NRG3: variants seen among roughly 807,000 people sequenced by gnomAD.
The protein encoded by NRG3 is neuregulin 3, also known as pro-neuregulin-3, membrane-bound isoform.
In NRG3, 31 loss-of-function variants were observed where a neutral mutation model predicts 66.9. The observed-to-expected ratio is 0.46, with a 90% CI of 0.35 to 0.63. The LOEUF (loss-of-function observed/expected upper bound fraction) is 0.63. Ranked by LOEUF, NRG3 falls within the 20% of genes least tolerant of loss-of-function variation. NRG3 has a pLI of 0.00. For missense variants in NRG3, 910 were observed against 878.9 expected (o/e 1.04, Z -0.45); for synonymous variants, 393 against 359.4 (o/e 1.09, Z -1.06).
intron 2 of NRG3, among the ~76,000 whole-genome samples, chr10:82,618,231 T>C (rs2048794435): frequency 6.6e-6 from 1 of 152,138 alleles, no homozygotes; most frequent in African/African-American, 2.4e-5. Flanking sequence ...GCCGGAGCTG[T>C]GGTGCCAGAC....
chr10:82,224,926 G>A (rs751363142), intron 1 of NRG3, among the ~76,000 whole-genome samples: 20 of 151,730 alleles, frequency 1.3e-4, no homozygotes, highest in Non-Finnish European at 1.9e-4. Flanking sequence ...AGAATAATAT[G>A]AACATAGCTC....
chr10:82,811,513 T>C (rs17746658), intron 3 of NRG3, among the ~76,000 whole-genome samples: 11,084 of 152,280 alleles, frequency 0.073, 404 homozygotes, highest in Middle Eastern at 0.11. Flanking sequence ...GCTACCTTCC[T>C]ATTAGATTCT....
At chr10:82,926,816 G>C (rs910972894) in intron 4 of NRG3, among the ~76,000 whole-genome samples, 3 of 152,248 alleles carry the variant, frequency 2.0e-5, no homozygotes, top group Non-Finnish European at 2.9e-5. Context: ...AATAAAAACA[G>C]TTCTTGTCTC....
intron 3 of NRG3, among the ~76,000 whole-genome samples, chr10:82,772,322 A>ATTCG (rs879691080): frequency 8.9e-4 from 136 of 152,136 alleles, no homozygotes; most frequent in Middle Eastern, 3.4e-3. Context: ...TCATTCATTC[A>ATTCG]TTCATTCATT....
chr10:81,880,080 T>C (rs148421664), intron 1 of NRG3, among the ~76,000 whole-genome samples: 1,921 of 152,304 alleles, frequency 0.013, 16 homozygotes, highest in Non-Finnish European at 0.02. Context: ...TCCTTTGGCC[T>C]TAATTCAGGA....
chr10:81,882,388 G>A (rs898948308), intron 1 of NRG3, among the ~76,000 whole-genome samples: 1 of 152,076 alleles, frequency 6.6e-6, no homozygotes, highest in Non-Finnish European at 1.5e-5. Context: ...TCTCATGGAA[G>A]GGTAACAAAT....
At chr10:82,854,384 G>C (rs2063707666) in intron 3 of NRG3, among the ~76,000 whole-genome samples, 1 of 152,156 alleles carries the variant, frequency 6.6e-6, no homozygotes, top group South Asian at 2.1e-4. Flanking sequence ...GTTGTGTACA[G>C]GGTTCTATTT....
chr10:82,645,288 T>C (rs1372562740), intron 2 of NRG3, among the ~76,000 whole-genome samples: 1 of 152,298 alleles, frequency 6.6e-6, no homozygotes, highest in African/African-American at 2.4e-5. Flanking sequence ...CAGCACTTTC[T>C]GTAAGGTGTG....
chr10:81,902,404 G>A (rs569153486), intron 1 of NRG3, among the ~76,000 whole-genome samples: 1 of 152,214 alleles, frequency 6.6e-6, no homozygotes, highest in South Asian at 2.1e-4. Context: ...TAGGAGGCAG[G>A]GGCCTTTGGG....
In NRG3 at chr10:82,210,087, G is replaced by A. The variant is rs72825484; in HGVS notation, c.824-148652G>A. Among the ~76,000 whole-genome samples, 527 of 152,296 alleles carry A rather than the reference G, an allele frequency of 3.5e-3. 3 individuals carry two copies. Among genetic ancestry groups the A allele is most frequent in the Non-Finnish European group, 5.9e-3 (399 of 68,018 alleles). ...CCTGAGAAAATTCATGAAATGAGAA[G>A]TAACAGGGAGAAAGTTGAAACATTG... is the stretch of plus-strand genomic sequence containing the variant. On this transcript the variant is annotated intron_variant, in intron 1 of 8. Transcript: ENST00000372141.
chr10:81,907,551 T>C (rs1265073364), intron 1 of NRG3, among the ~76,000 whole-genome samples: 1 of 152,182 alleles, frequency 6.6e-6, no homozygotes, highest in African/African-American at 2.4e-5. Flanking sequence ...AATTACATTA[T>C]GACACTGACT....
rs1219531549 is a variant in NRG3, at chr10:82,460,437, A to AT, written c.953+101570dup. ...GTGTCCCACATAGTAAGTAGTGAAT[A>AT]TAACTAGCTACTAAATTTATGATGA... On this transcript the variant is annotated intron_variant, in intron 2 of 8. Transcript: ENST00000372141. Among the ~76,000 whole-genome samples, 65 of 152,376 alleles carry AT rather than the reference A, an allele frequency of 4.3e-4. No homozygotes were observed. In the Middle Eastern group the frequency reaches 0.02, roughly 48 times the overall value.
At chr10:81,902,832 G>A (rs185902590) in intron 1 of NRG3, among the ~76,000 whole-genome samples, 3 of 152,240 alleles carry the variant, frequency 2.0e-5, no homozygotes, top group South Asian at 2.1e-4. Flanking sequence ...GCACTGGAGC[G>A]AATTTTATGA....
At chr10:81,884,484 T>A (rs1369805846) in intron 1 of NRG3, among the ~76,000 whole-genome samples, 1 of 152,196 alleles carries the variant, frequency 6.6e-6, no homozygotes, top group East Asian at 1.9e-4. Flanking sequence ...TACACATCCT[T>A]GGGTTCTGCA....
rs567723630 is a variant in NRG3 at position 82,707,883 on chromosome 10, G to C, written c.954-30694G>C. Among the ~76,000 whole-genome samples, 1,088 of 146,622 alleles carry C rather than the reference G, an allele frequency of 7.4e-3. 16 individuals are homozygous for C. The highest frequency in any genetic ancestry group is 0.025 in the African/African-American group (1,016 of 40,210). On this transcript the variant is annotated intron_variant, in intron 2 of 8. Transcript: ENST00000372141. ...AAAAAAAAAAAAAAATTAGCCAGGTGTGGTGGCGCATGCCTGTAATCCCAG... is the reference window on the plus strand; with the variant it reads ...AAAAAAAAAAAAAAATTAGCCAGGTCTGGTGGCGCATGCCTGTAATCCCAG...
chr10:82,465,315 G>A (rs1317929815), intron 2 of NRG3, among the ~76,000 whole-genome samples: 2 of 152,282 alleles, frequency 1.3e-5, no homozygotes, highest in South Asian at 2.1e-4. Context: ...GTCAGTCACC[G>A]TATGACTTAA....
In NRG3 at chr10:82,623,579, A is replaced by G. The variant is rs1220615952; in HGVS notation, c.954-114998A>G. On this transcript the variant is annotated intron_variant, in intron 2 of 8. Transcript: ENST00000372141. ...GGCTCAACAAGATAGACATGGACCC[A>G]GTCTTCCTAGAGTTTTCAGCCAAAT... 2.6e-5 allele frequency among the ~76,000 whole-genome samples: 4 copies of G among 152,292 alleles called. No homozygotes were observed. In the South Asian group the frequency reaches 6.2e-4, roughly 24 times the overall value.
chr10:81,932,583 A>T (rs376550189), intron 1 of NRG3, among the ~76,000 whole-genome samples: 2 of 152,326 alleles, frequency 1.3e-5, no homozygotes, highest in South Asian at 4.1e-4. Context: ...ATATTTACTC[A>T]TGCATCATCC....
intron 2 of NRG3, among the ~76,000 whole-genome samples, chr10:82,462,318 G>A (rs1279614898): frequency 6.6e-6 from 1 of 151,352 alleles, no homozygotes; most frequent in Non-Finnish European, 1.5e-5. Context: ...GAGTAGGTAG[G>A]GTCCCATTTT....
Sources: allele counts gnomAD v4.1 joint callset (sites outside exome capture counted in the v4.1 genomes callset), GRCh38; gene constraint gnomAD v4.1.1; transcripts MANE v1.5; gene names NCBI Gene and HGNC (gene_info 2026-07-23, HGNC 2026-07-21).